The following COL19A1 variants were observed in gnomAD, a reference collection of about 807,000 sequenced individuals.
COL19A1 encodes collagen type XIX alpha 1 chain, also known as collagen alpha-1(XIX) chain.
A neutral mutation model predicts 190.2 loss-of-function variants in COL19A1; 159 were observed. The ratio of observed to expected loss-of-function variants is 0.84; its 90% confidence interval spans 0.73 to 0.95. The LOEUF is 0.95. COL19A1 is among the 40% of genes least tolerant of loss of function. The pLI is 0.00. For synonymous variants in COL19A1, 509 were observed against 458.9 expected (o/e 1.11, Z -1.39); for missense variants, 1,418 against 1,431.9 (o/e 0.99, Z 0.16).
intron 44 of COL19A1, among the ~76,000 whole-genome samples, chr6:70,183,266 A>C (rs543091344): frequency 1.3e-5 from 2 of 152,292 alleles, no homozygotes; most frequent in South Asian, 2.1e-4. Context: ...GATGTGAGGT[A>C]GGCAGAATGT....
rs781279121 is a variant in COL19A1 at position 70,142,763 on chromosome 6, T to C, written c.1573-4T>C. ...GCTAAAGTATATACCACCTTTTATT[T>C]TAGGGTCAGCAAGGATCTGCAGGCT... On this transcript the variant is annotated splice_polypyrimidine_tract_variant and splice_region_variant and intron_variant, in intron 22 of 50. Transcript: ENST00000620364. 4.3e-6 allele frequency: 7 copies of C among 1,610,776 alleles called. No homozygotes were observed. Among genetic ancestry groups the C allele is most frequent in the Admixed American group, 3.4e-5 (2 of 59,504 alleles).
At chr6:70,010,081 T>C (rs1025650451) in intron 11 of COL19A1, among the ~76,000 whole-genome samples, 7 of 152,132 alleles carry the variant, frequency 4.6e-5, no homozygotes, top group African/African-American at 1.4e-4. Flanking sequence ...ATGAAAGAAA[T>C]AGTTAAAAAT....
Position 70,023,661 on chromosome 6 carries a change from C to T in COL19A1, c.1061C>T (p.Ala354Val), listed in dbSNP as rs1268966250. Residue 354 changes from alanine to valine, a missense_variant, in exon 12 of 51, where the codon GCT (alanine) becomes GTT (valine). Physicochemically the swap from Ala to Val is moderately conservative, Grantham distance 64. Transcript: ENST00000620364. ...EQGEKGDPAL[A>V]GLNGENGLKG... is the part of the protein sequence containing the mutation. ...GGAGAAAAAGGAGATCCAGCTCTGG[C>T]TGGCCTTAATGGAGAAAATGTAAGC... The T allele has an allele frequency of 6.2e-7, 1 of 1,610,932 alleles. No individual in the cohort carries two copies. The highest frequency in any genetic ancestry group is 8.5e-7 in the Non-Finnish European group (1 of 1,179,140).
intron 14 of COL19A1, among the ~76,000 whole-genome samples, chr6:70,043,799 T>C (rs1779760643): frequency 6.6e-6 from 1 of 152,206 alleles, no homozygotes; most frequent in African/African-American, 2.4e-5. Flanking sequence ...AGCATAACTC[T>C]TAAGGGCCCT....
chr6:70,090,430 G>A (rs1427577193), intron 15 of COL19A1, among the ~76,000 whole-genome samples: 2 of 152,058 alleles, frequency 1.3e-5, no homozygotes, highest in East Asian at 1.9e-4. Flanking sequence ...ATGATTTAAT[G>A]TATATGAGAG....
At chr6:70,134,253 A>G (rs529173402) in intron 18 of COL19A1, among the ~76,000 whole-genome samples, 92 of 152,242 alleles carry the variant, frequency 6.0e-4, no homozygotes, top group African/African-American at 2.2e-3. Flanking sequence ...TGTATCCCCC[A>G]ACTTCTCCCT....
intron 11 of COL19A1, among the ~76,000 whole-genome samples, chr6:69,971,830 C>T (rs1775445115): frequency 6.6e-6 from 1 of 152,200 alleles, no homozygotes; most frequent in South Asian, 2.1e-4. Flanking sequence ...AAACCGTAAT[C>T]ATTAGTCACC....
rs534297327 is a variant in COL19A1 at position 70,184,901 on chromosome 6, C to G, written c.2842C>G (p.Pro948Ala). ...GIMGKPGDRGPKGERGDQGIP... is the reference protein window; with the variant it reads ...GIMGKPGDRGAKGERGDQGIP... The stretch of plus-strand genomic sequence containing the variant: ...CATGGGTAAGCCTGGAGACAGAGGC[C>G]CCAAAGGAGAACGTGTATGTATATT... The change falls in exon 46 of 51, where the codon CCC becomes GCC. Residue 948 changes from proline to alanine, a missense_variant. By Grantham distance (27) the Pro-to-Ala change is conservative (BLOSUM62 -1). Coordinates refer to ENST00000620364, the MANE Select transcript of COL19A1 (RefSeq NM_001858.6). 9.5e-4 allele frequency: 1,534 copies of G among 1,612,720 alleles called. 33 individuals are homozygous for G. The South Asian group carries it at 0.016, about 17-fold the overall frequency.
At chr6:69,951,988 A>C (rs944606693) in intron 9 of COL19A1, among the ~76,000 whole-genome samples, 7 of 151,804 alleles carry the variant, frequency 4.6e-5, no homozygotes, top group Non-Finnish European at 8.8e-5. Flanking sequence ...ATTAGATCTT[A>C]AATTTGTTTG....
intron 14 of COL19A1, among the ~76,000 whole-genome samples, chr6:70,041,530 G>A (rs1442640523): frequency 6.6e-6 from 1 of 152,026 alleles, no homozygotes; most frequent in African/African-American, 2.4e-5. Context: ...AAACAACCCT[G>A]TGAGGTATAA....
chr6:69,995,219 C>T (rs1411671291), intron 11 of COL19A1, among the ~76,000 whole-genome samples: 1 of 152,108 alleles, frequency 6.6e-6, no homozygotes, highest in Non-Finnish European at 1.5e-5. Context: ...AGTTTACTGC[C>T]AGGTGTTAGT....
chr6:70,190,188 C>T (rs771395615), intron 47 of COL19A1, 127 bp from the exon 48 acceptor site: 6 of 710,536 alleles, frequency 8.4e-6, no homozygotes, highest in African/African-American at 3.7e-5. Flanking sequence ...AATCAATTGC[C>T]AAAAGCATTT....
intron 16 of COL19A1, among the ~76,000 whole-genome samples, chr6:70,108,540 A>G (rs1490372045): frequency 6.6e-6 from 1 of 152,188 alleles, no homozygotes; most frequent in African/African-American, 2.4e-5. Context: ...TGAAGCTTAT[A>G]AATCCATATG....
intron 1 of COL19A1, among the ~76,000 whole-genome samples, chr6:69,878,187 T>G (rs1270730249): frequency 2.7e-5 from 4 of 149,870 alleles, no homozygotes; most frequent in Non-Finnish European, 4.4e-5. Context: ...AGGATAGTAA[T>G]TATATATATA....
chr6:69,898,178 C>T (rs1769918762), intron 2 of COL19A1, among the ~76,000 whole-genome samples: 1 of 152,158 alleles, frequency 6.6e-6, no homozygotes, highest in South Asian at 2.1e-4. Context: ...AAATGTTAAA[C>T]TAATGGTCTT....
intron 12 of COL19A1, among the ~76,000 whole-genome samples, chr6:70,026,516 GGTTACTT>G (rs1253300802): frequency 1.3e-5 from 2 of 152,168 alleles, no homozygotes. Flanking sequence ...TTTCTCACTT[GGTTACTT>G]AGTTAATAAG....
At chr6:70,141,122 C>T in intron 20 of COL19A1, 133 bp downstream of exon 20, 1 of 768,022 alleles carries the variant, frequency 1.3e-6, no homozygotes, top group Non-Finnish European at 2.1e-6. Context: ...ACTTTTTCCT[C>T]TGTGATTTTT....
At chr6:70,096,600 G>A (rs141984674) in intron 15 of COL19A1, among the ~76,000 whole-genome samples, 85 of 152,260 alleles carry the variant, frequency 5.6e-4, no homozygotes, top group African/African-American at 2.0e-3. Context: ...GGGGCACAGG[G>A]ATTTTCCAGT....
rs114348389 is a variant in COL19A1, at chr6:70,072,200, G to T, written c.1224+3724G>T. ...TATAAAAATTCCATTTAAGATGTAG[G>T]TTCCTTGCAGGATTTCTTAGTATTC... On this transcript the variant is annotated intron_variant, in intron 15 of 50. Coordinates refer to ENST00000620364, the MANE Select transcript of COL19A1 (RefSeq NM_001858.6). 1.8e-4 allele frequency among the ~76,000 whole-genome samples: 28 copies of T among 152,182 alleles called. No individual in the cohort carries two copies. The East Asian group carries it at 3.3e-3, about 18-fold the overall frequency.
Sources: allele counts gnomAD v4.1 joint callset (sites outside exome capture counted in the v4.1 genomes callset), GRCh38; gene constraint gnomAD v4.1.1; transcripts MANE v1.5; gene names NCBI Gene and HGNC (gene_info 2026-07-23, HGNC 2026-07-21).